Variants in CHST9 observed in about 807,000 individuals in gnomAD.
CHST9 encodes the protein GalNAc-4-sulfotransferase 2.
Under a neutral mutation model 44.4 loss-of-function variants are expected in CHST9, and 41 were observed. The observed-to-expected ratio is 0.92, with a 90% CI of 0.72 to 1.20. CHST9 has a LOEUF of 1.20. Among genes scored for constraint, CHST9 ranks in the 50% most tolerant of loss-of-function variants. The pLI is 0.00. For synonymous variants in CHST9, 171 were observed against 178.4 expected, an observed-to-expected ratio of 0.96 and a Z score of 0.33; for missense variants, 504 against 516.5, an observed-to-expected ratio of 0.98 and a Z score of 0.23.
At chr18:26,987,135 G>T (rs989552889) in intron 4 of CHST9, among the ~76,000 whole-genome samples, 1 of 152,200 alleles carries the variant, frequency 6.6e-6, no homozygotes, top group African/African-American at 2.4e-5. Flanking sequence ...GATCCTTCAT[G>T]AATGGCTTGG....
At chr18:27,061,345 T>C (rs1390128649) in intron 2 of CHST9, among the ~76,000 whole-genome samples, 1 of 152,196 alleles carries the variant, frequency 6.6e-6, no homozygotes. Context: ...TAATATTCAA[T>C]GCTAAATACA....
chr18:26,958,370 C>T (rs934544698), intron 4 of CHST9, among the ~76,000 whole-genome samples: 5 of 150,022 alleles, frequency 3.3e-5, no homozygotes, highest in African/African-American at 1.2e-4. Flanking sequence ...AGGATTGGCA[C>T]AGATAAAAAA....
chr18:26,956,148 T>C (rs1403870814), intron 4 of CHST9, among the ~76,000 whole-genome samples: 1 of 151,204 alleles, frequency 6.6e-6, no homozygotes, highest in Non-Finnish European at 1.5e-5. Context: ...TACTAAACCC[T>C]GTCTCTACTA....
intron 4 of CHST9, among the ~76,000 whole-genome samples, chr18:26,963,965 G>T (rs1164660596): frequency 2.6e-5 from 4 of 152,122 alleles, no homozygotes; most frequent in African/African-American, 9.7e-5. Flanking sequence ...CCTTAAGAAG[G>T]AAAGAAAAAG....
At chr18:27,152,142 A>G (rs2058664265) in intron 1 of CHST9, among the ~76,000 whole-genome samples, 1 of 152,214 alleles carries the variant, frequency 6.6e-6, no homozygotes, top group Non-Finnish European at 1.5e-5. Context: ...ACACTAATTT[A>G]TAGGTGCTTC....
chr18:27,050,084 G>GAT (rs1272969236), intron 2 of CHST9, among the ~76,000 whole-genome samples: 6 of 152,144 alleles, frequency 3.9e-5, no homozygotes, highest in African/African-American at 1.4e-4. Context: ...TTGTGAGAGA[G>GAT]TAGTTTTAGC....
At chr18:27,021,424 T>C (rs1247234124) in intron 4 of CHST9, among the ~76,000 whole-genome samples, 3 of 152,044 alleles carry the variant, frequency 2.0e-5, no homozygotes, top group Non-Finnish European at 2.9e-5. Flanking sequence ...ACAGGGCCTC[T>C]AAACTTCTGA....
chr18:27,115,706 T>A (rs146147178), intron 2 of CHST9, among the ~76,000 whole-genome samples: 355 of 152,108 alleles, frequency 2.3e-3, no homozygotes, highest in Non-Finnish European at 3.8e-3. Context: ...AGAGATGGGG[T>A]CTCATTTTGT....
At chr18:27,168,031 A>G (rs2058804397) in intron 1 of CHST9, among the ~76,000 whole-genome samples, 1 of 152,130 alleles carries the variant, frequency 6.6e-6, no homozygotes, top group African/African-American at 2.4e-5. Flanking sequence ...AGGGAAACAG[A>G]TAGGCATTGA....
intron 1 of CHST9, among the ~76,000 whole-genome samples, chr18:27,152,498 T>G (rs2058667169): frequency 1.3e-5 from 2 of 152,180 alleles, no homozygotes; most frequent in Non-Finnish European, 1.5e-5. Flanking sequence ...TGTTCCCCAT[T>G]CTAAAGATTT....
At chr18:27,170,862 T>A (rs76122420) in intron 1 of CHST9, among the ~76,000 whole-genome samples, 2,685 of 152,286 alleles carry the variant, frequency 0.018, 66 homozygotes, top group African/African-American at 0.059. Flanking sequence ...ATAATATTAG[T>A]CCCAAAAGGC....
At chr18:27,112,333 T>C (rs2058278619) in intron 2 of CHST9, among the ~76,000 whole-genome samples, 1 of 151,486 alleles carries the variant, frequency 6.6e-6, no homozygotes, top group East Asian at 1.9e-4. Context: ...TGCATATACA[T>C]AATTAAATAT....
At position 26,961,763 on chromosome 18, in the gene CHST9, G is replaced by T. The variant is rs146187111; in HGVS notation, c.203-17397C>A. ...TTTCAAAACTTTTTTATTAGGAAAA[G>T]GTACTGCATCAATTTAAAGAGAACA... is the stretch of plus-strand genomic sequence containing the variant. On this transcript the variant is annotated intron_variant, in intron 4 of 5. Transcript: ENST00000618847. Among the ~76,000 whole-genome samples, 665 of 152,274 alleles carry T rather than the reference G, an allele frequency of 4.4e-3. 5 individuals are homozygous for T. Among genetic ancestry groups the T allele is most frequent in the African/African-American group, 0.015 (642 of 41,552 alleles).
intron 1 of CHST9, among the ~76,000 whole-genome samples, chr18:27,151,217 T>A (rs2058656706): frequency 1.3e-5 from 2 of 152,194 alleles, no homozygotes; most frequent in South Asian, 4.1e-4. Context: ...TACTGTGTAA[T>A]TCCTGAAATT....
rs1018121621 is a variant in CHST9, at chr18:26,907,699, G to T, written c.*8560C>A. ...GGAAAAAGCAAGAGGTGTTTTCAGA[G>T]AATGTAATGGTTCCATGTGGCTGGA... On this transcript the variant is annotated 3_prime_UTR_variant, in exon 6 of 6. Coordinates refer to ENST00000618847, the MANE Select transcript of CHST9 (RefSeq NM_031422.6). The T allele has an allele frequency of 6.5e-6, 1 of 153,100 alleles. No homozygotes were observed. The highest frequency in any genetic ancestry group is 2.4e-5 in the African/African-American group (1 of 41,484). The allele number at this position is 153,100 out of a possible 1,614,324, so 9.5% of individuals were successfully genotyped here.
chr18:27,160,792 G>A (rs2058739956), intron 1 of CHST9, among the ~76,000 whole-genome samples: 2 of 152,068 alleles, frequency 1.3e-5, no homozygotes, highest in Non-Finnish European at 2.9e-5. Context: ...TTCAGAGCCT[G>A]TTATTGGTCT....
chr18:27,015,294 C>T (rs907112578), intron 4 of CHST9, among the ~76,000 whole-genome samples: 8 of 149,330 alleles, frequency 5.4e-5, no homozygotes, highest in East Asian at 3.9e-4. Flanking sequence ...TTTTATTTTC[C>T]GAAGTTTAAA....
In CHST9 at chr18:26,944,342, T is replaced by A; in HGVS notation, c.227A>T (p.His76Leu). The A allele has an allele frequency of 6.2e-7, 1 of 1,609,162 alleles. No individual in the cohort carries two copies. The change falls in exon 5 of 6, where the codon CAT becomes CTT. Residue 76 changes from histidine to leucine, a missense_variant. His to Leu is a moderately conservative substitution (Grantham distance 99, BLOSUM62 -3). Transcript: ENST00000618847. ...RIMSTEKIQEHITNQNPKFHM... is the reference protein window; with the variant it reads ...RIMSTEKIQELITNQNPKFHM... ...ATGAGAGAATACCTGGTTGGTGATATGTTCCTGGATTTTTTCTGTACTCAC... is the reference window on the plus strand; with the variant it reads ...ATGAGAGAATACCTGGTTGGTGATAAGTTCCTGGATTTTTTCTGTACTCAC...
At chr18:27,177,118 A>G (rs1447062589) in intron 1 of CHST9, among the ~76,000 whole-genome samples, 1 of 152,030 alleles carries the variant, frequency 6.6e-6, no homozygotes, top group Non-Finnish European at 1.5e-5. Flanking sequence ...TTGAAAATAG[A>G]GTGCAAATGT....
Sources: gnomAD v4.1 joint callset for allele counts (sites outside exome capture counted in the v4.1 genomes callset) on GRCh38, gnomAD v4.1.1 for gene constraint, MANE v1.5 for transcripts, NCBI Gene and HGNC (gene_info 2026-07-23, HGNC 2026-07-21) for gene names.